Variants in PALD1 observed in about 807,000 individuals in gnomAD.
PALD1 encodes the protein paladin.
PALD1 carries 57 observed loss-of-function variants against 96.0 expected under a neutral mutation model. The observed-to-expected ratio is 0.59, with a 90% confidence interval of 0.48 to 0.74. The LOEUF is 0.74. PALD1 is among the 30% of genes least tolerant of loss of function. PALD1 has a pLI of 0.00. For missense variants in PALD1, 1,063 were observed against 1,143.7 expected, an observed-to-expected ratio of 0.93 and a Z score of 1.02; for synonymous variants, 464 against 473.6, an observed-to-expected ratio of 0.98 and a Z score of 0.26.
intron 10 of PALD1, 53 bp downstream of exon 10, chr10:70,534,896 C>CTAA: frequency 8.3e-7 from 1 of 1,202,234 alleles, no homozygotes; most frequent in South Asian, 1.3e-5. Flanking sequence ...GCCCTGCAGC[C>CTAA]TGATTTCATT....
At chr10:70,523,645 G>T (rs1846789006) in intron 1 of PALD1, among the ~76,000 whole-genome samples, 1 of 152,198 alleles carries the variant, frequency 6.6e-6, no homozygotes, top group Non-Finnish European at 1.5e-5. Context: ...GAAAGAGAGG[G>T]AGAAATTAGG....
chr10:70,539,276 T>G lies in PALD1; in HGVS notation c.1725+29T>G. Reference sequence around the variant, plus strand: ...AGGCCCCCTGCCCTCTAGGCACCCCTGCCTCCGAGGCTTCTGGGGAGTGGC... The same window carrying G: ...AGGCCCCCTGCCCTCTAGGCACCCCGGCCTCCGAGGCTTCTGGGGAGTGGC... On this transcript the variant is annotated intron_variant, in intron 14 of 19. Transcript: ENST00000263563. The surrounding 1 kb of genome is among the most constrained non-coding windows in gnomAD (Gnocchi z 4.5). 6.3e-7 allele frequency: 1 copy of G among 1,584,754 alleles called. No individual in the cohort carries two copies. Among genetic ancestry groups the G allele is most frequent in the Non-Finnish European group, 8.6e-7 (1 of 1,167,112 alleles).
In PALD1 at chr10:70,518,311, A is replaced by G. The variant is rs542719128; in HGVS notation, c.-29-7612A>G. Among the ~76,000 whole-genome samples, 5 of 152,314 alleles carry G rather than the reference A, an allele frequency of 3.3e-5. No individual in the cohort carries two copies. The East Asian group carries it at 7.7e-4, about 24-fold the overall frequency. On this transcript the variant is annotated intron_variant, in intron 1 of 19. Transcript: ENST00000263563. ...TGCTGTTATGAATATGCTGCTGTGT[A>G]CAAGTCTTTTTCTGCACGTATTTGC... is the stretch of plus-strand genomic sequence containing the variant.
chr10:70,564,052 AG>A (rs1447308267), intron 18 of PALD1, among the ~76,000 whole-genome samples: 1 of 152,126 alleles, frequency 6.6e-6, no homozygotes, highest in Non-Finnish European at 1.5e-5. Flanking sequence ...GGCGCCATGC[AG>A]GGTATCTACA....
intron 18 of PALD1, among the ~76,000 whole-genome samples, chr10:70,553,729 C>T (rs1847529704): frequency 6.6e-6 from 1 of 152,204 alleles, no homozygotes; most frequent in African/African-American, 2.4e-5. Context: ...GATTGAGCCT[C>T]TCTGCCATGC....
intron 1 of PALD1, among the ~76,000 whole-genome samples, chr10:70,521,397 C>T (rs1020825606): frequency 1.3e-5 from 2 of 151,960 alleles, no homozygotes; most frequent in African/African-American, 4.8e-5. Flanking sequence ...TTCTGGGGAT[C>T]GATATGACAT....
intron 1 of PALD1, among the ~76,000 whole-genome samples, chr10:70,506,743 C>T (rs1306643314): frequency 6.6e-6 from 1 of 152,196 alleles, no homozygotes; most frequent in African/African-American, 2.4e-5. Context: ...GGGCACGACT[C>T]ATCGAGAGAC....
chr10:70,563,592 G>A (rs959262618), intron 18 of PALD1, among the ~76,000 whole-genome samples: 2 of 152,216 alleles, frequency 1.3e-5, no homozygotes, highest in African/African-American at 4.8e-5. Flanking sequence ...CCTTGGCCAG[G>A]TGGCCTTTCT....
intron 1 of PALD1, among the ~76,000 whole-genome samples, chr10:70,494,616 G>A (rs1226232384): frequency 6.6e-6 from 1 of 152,192 alleles, no homozygotes; most frequent in East Asian, 1.9e-4. Context: ...TTGTCAGCGG[G>A]GTAATTATGG....
chr10:70,471,008 C>T, the PALD1 span, among the ~76,000 whole-genome samples: 3 of 151,004 alleles, frequency 2.0e-5, no homozygotes, highest in East Asian at 1.9e-4. Flanking sequence ...TTAGTAGAGA[C>T]GGGGTTTCAC....
chr10:70,530,014 C>T lies in PALD1; in HGVS notation c.414C>T (p.Pro138=), dbSNP rs770844377. Reference sequence around the variant, plus strand: ...TCACTGTGTTCGGCATGGGACAGCCCAGCCTCTCAGGGTTCAGGCGGGTCC... The same window carrying T: ...TCACTGTGTTCGGCATGGGACAGCCTAGCCTCTCAGGGTTCAGGCGGGTCC... ...GGLTVFGMGQ[P]SLSGFRRVLQ... Residue 138 remains proline, a synonymous_variant, in exon 4 of 20, where the codon CCC becomes CCT. Transcript: ENST00000263563. 1.0e-5 allele frequency: 16 copies of T among 1,590,316 alleles called. No homozygotes were observed. Among genetic ancestry groups the T allele is most frequent in the Non-Finnish European group, 1.4e-5 (16 of 1,169,322 alleles).
chr10:70,561,061 C>T (rs955125504), intron 18 of PALD1, among the ~76,000 whole-genome samples: 11 of 152,158 alleles, frequency 7.2e-5, no homozygotes, highest in African/African-American at 2.7e-4. Flanking sequence ...TCAGGCGTCA[C>T]CTGTACACAG....
At chr10:70,497,156 G>A (rs1846208092) in intron 1 of PALD1, among the ~76,000 whole-genome samples, 1 of 152,258 alleles carries the variant, frequency 6.6e-6, no homozygotes, top group South Asian at 2.1e-4. Flanking sequence ...GGAGAGATGA[G>A]GAGGGCTTGC....
intron 1 of PALD1, among the ~76,000 whole-genome samples, chr10:70,508,111 G>T (rs1564690219): frequency 6.6e-6 from 1 of 152,194 alleles, no homozygotes; most frequent in Non-Finnish European, 1.5e-5. Context: ...CTCAAACTTC[G>T]CTGCTCCACG....
At chr10:70,557,699 G>A (rs1296078421) in intron 18 of PALD1, among the ~76,000 whole-genome samples, 1 of 152,056 alleles carries the variant, frequency 6.6e-6, no homozygotes, top group Non-Finnish European at 1.5e-5. Context: ...GAAGAGGGTG[G>A]GCTGCCAGCC....
Position 70,529,105 on chromosome 10 carries a change from A to G in PALD1, c.186-124A>G, listed in dbSNP as rs1846932662. On this transcript the variant is annotated intron_variant, in intron 2 of 19. Coordinates refer to ENST00000263563, the MANE Select transcript of PALD1 (RefSeq NM_014431.3). ...GAGTGGATATTGAGGGACAATGGGC[A>G]GTCTCTGCCACAAATCGTAGCCACA... 7 of 615,218 alleles carry G rather than the reference A, an allele frequency of 1.1e-5. No homozygotes were observed. In the South Asian group the frequency reaches 1.3e-4, roughly 12 times the overall value. The allele number at this position is 615,218 out of a possible 1,614,324, so 38.1% of individuals were successfully genotyped here. A position where few individuals can be genotyped will look rare whatever the true frequency, so the allele number is the denominator to read the frequency against.
At chr10:70,509,821 T>G (rs1189976103) in intron 1 of PALD1, among the ~76,000 whole-genome samples, 1 of 152,142 alleles carries the variant, frequency 6.6e-6, no homozygotes, top group Admixed American at 6.5e-5. Context: ...CGCTGCAGCT[T>G]CTTCTGAGCG....
chr10:70,545,209 T>A (rs907245821), intron 17 of PALD1, among the ~76,000 whole-genome samples: 23 of 151,726 alleles, frequency 1.5e-4, no homozygotes, highest in African/African-American at 4.8e-4. Flanking sequence ...GGGTTATGGG[T>A]GATGCTGGAG....
intron 1 of PALD1, among the ~76,000 whole-genome samples, chr10:70,490,124 T>C (rs1846075833): frequency 6.6e-6 from 1 of 152,212 alleles, no homozygotes; most frequent in South Asian, 2.1e-4. Context: ...GGTTTCACCG[T>C]GTTGGCCAGG....
Sources: gnomAD v4.1 joint callset for allele counts (sites outside exome capture counted in the v4.1 genomes callset) on GRCh38, gnomAD v4.1.1 for gene constraint, Gnocchi (gnomAD v3.1) non-coding constraint, MANE v1.5 for transcripts, NCBI Gene and HGNC (gene_info 2026-07-23, HGNC 2026-07-21) for gene names.